The following NHSL1 variants were observed in gnomAD, a reference collection of about 807,000 sequenced individuals.
NHSL1 encodes NHS-like protein 1.
NHSL1 carries 48 observed loss-of-function variants against 95.0 expected under a neutral mutation model. The observed-to-expected ratio is 0.51, with a 90% CI of 0.40 to 0.64. NHSL1 has a LOEUF of 0.64. Among genes scored for constraint, NHSL1 ranks in the 30% least tolerant of loss-of-function variants. NHSL1 has a pLI of 0.00. For synonymous variants in NHSL1, 783 were observed against 833.9 expected (o/e 0.94, Z 1.05); for missense variants, 1,971 against 2,077.7 (o/e 0.95, Z 1.00).
intron 3 of NHSL1, among the ~76,000 whole-genome samples, chr6:138,464,715 C>CTTTTTTT (rs1157342436): frequency 0.063 from 7,505 of 118,494 alleles, 692 homozygotes; most frequent in East Asian, 0.23. Flanking sequence ...TTTTTCTTTT[C>CTTTTTTT]TTTTTTTTTT....
chr6:138,629,897 T>C (rs772326989), intron 1 of NHSL1, among the ~76,000 whole-genome samples: 5 of 152,166 alleles, frequency 3.3e-5, no homozygotes, highest in Non-Finnish European at 5.9e-5. Flanking sequence ...AAATAACACA[T>C]TACATATTTT....
intron 1 of NHSL1, among the ~76,000 whole-genome samples, chr6:138,631,465 T>C (rs1283270090): frequency 6.6e-6 from 1 of 152,092 alleles, no homozygotes; most frequent in Non-Finnish European, 1.5e-5. Context: ...TCCTTCCATT[T>C]GAGGTGAGGA....
chr6:138,471,867 A>G (rs1028536366), intron 3 of NHSL1, among the ~76,000 whole-genome samples: 3 of 152,204 alleles, frequency 2.0e-5, no homozygotes, highest in East Asian at 1.9e-4. Context: ...ATTATGACTT[A>G]TCAATTTAAA....
intron 1 of NHSL1, among the ~76,000 whole-genome samples, chr6:138,544,983 CTTTTTTTT>C (rs35979187): frequency 2.4e-5 from 2 of 83,394 alleles, no homozygotes; most frequent in Non-Finnish European, 4.6e-5. Flanking sequence ...TCTTTCTTTT[CTTTTTTTT>C]TTTTTTTTTT....
At chr6:138,584,651 G>A (rs1365003687) in intron 1 of NHSL1, among the ~76,000 whole-genome samples, 2 of 152,214 alleles carry the variant, frequency 1.3e-5, no homozygotes, top group African/African-American at 4.8e-5. Flanking sequence ...ATTTGAGGTT[G>A]AAACACTTGT....
At chr6:138,522,090 C>T (rs1441105901) in intron 1 of NHSL1, among the ~76,000 whole-genome samples, 1 of 152,114 alleles carries the variant, frequency 6.6e-6, no homozygotes, top group African/African-American at 2.4e-5. Flanking sequence ...ACCGTGAACA[C>T]CCTGGAGAAC....
upstream of NHSL1, among the ~76,000 whole-genome samples, chr6:138,501,745 A>C (rs1296529638): frequency 6.6e-6 from 1 of 152,208 alleles, no homozygotes; most frequent in Non-Finnish European, 1.5e-5. Context: ...CTCTGTATCC[A>C]TTCCAGGATG....
Position 138,499,386 on chromosome 6 carries a change from T to C in NHSL1, c.-96A>G. 1.3e-6 allele frequency: 2 copies of C among 1,510,356 alleles called. No individual in the cohort carries two copies. The highest frequency in any genetic ancestry group is 2.5e-5 in the South Asian group (2 of 80,252). 93.6% of individuals were successfully genotyped at this position (1,510,356 alleles called of 1,614,324 possible). The stretch of plus-strand genomic sequence containing the variant: ...AGCTTCGTCCTTCTGCTACAGATTC[T>C]AACTTTTTCTTCCCCCGGTCTCATA... On this transcript the variant is annotated 5_prime_UTR_variant, in exon 1 of 8. Transcript: ENST00000343505.
exon 1 of NHSL1, chr6:138,571,855 G>A (rs1482346672): frequency 1.9e-6 from 3 of 1,551,818 alleles, no homozygotes; most frequent in East Asian, 2.4e-5. Context: ...CAGCACGTGA[G>A]AGAGAACCTG....
intron 1 of NHSL1, among the ~76,000 whole-genome samples, chr6:138,620,366 G>T (rs1784639507): frequency 6.6e-6 from 1 of 152,138 alleles, no homozygotes. Context: ...TCCCCAAAAG[G>T]AATTTACTGT....
At chr6:138,606,538 C>T (rs1784435898) in intron 1 of NHSL1, among the ~76,000 whole-genome samples, 1 of 152,118 alleles carries the variant, frequency 6.6e-6, no homozygotes, top group Admixed American at 6.6e-5. Context: ...GGGCCCTTAT[C>T]ACAGATCCAC....
chr6:138,478,886 AC>A (rs1779250501), intron 2 of NHSL1, among the ~76,000 whole-genome samples: 3 of 152,280 alleles, frequency 2.0e-5, no homozygotes, highest in Admixed American at 1.3e-4. Context: ...AGGACGAGGG[AC>A]AAACATTTCT....
chr6:138,649,008 G>A (rs1785054558), intron 1 of NHSL1, among the ~76,000 whole-genome samples: 1 of 152,154 alleles, frequency 6.6e-6, no homozygotes, highest in Non-Finnish European at 1.5e-5. Context: ...TAAGAAGGAG[G>A]TGTATATAGA....
Position 138,677,685 on chromosome 6 carries a change from C to T in NHSL1, c.96+14791G>A, listed in dbSNP as rs963971615. On this transcript the variant is annotated intron_variant, in intron 1 of 3. Transcript: ENST00000491526. ...CAGAGCCCACATGCTAAGGTGTCTA[C>T]GCAGATTCAGTCCTCTGGCCCTGGG... 5.9e-5 allele frequency among the ~76,000 whole-genome samples: 9 copies of T among 152,296 alleles called. No homozygotes were observed. In the South Asian group the frequency reaches 1.2e-3, roughly 21 times the overall value.
At position 138,685,995 on chromosome 6, in the gene NHSL1, G is replaced by A. The variant is rs144369847; in HGVS notation, c.96+6481C>T. ...AGTCAAAATGAAACTCATAGAAGCAGAGAGTACAATGATGGTTACCAAGGG... is the reference window on the plus strand; with the variant it reads ...AGTCAAAATGAAACTCATAGAAGCAAAGAGTACAATGATGGTTACCAAGGG... On this transcript the variant is annotated intron_variant, in intron 1 of 3. Transcript: ENST00000491526. Among the ~76,000 whole-genome samples, 38 of 152,256 alleles carry A rather than the reference G, an allele frequency of 2.5e-4. No individual in the cohort carries two copies. In the East Asian group the frequency reaches 6.4e-3, roughly 25 times the overall value.
At chr6:138,531,745 C>T (rs1465200058) in intron 1 of NHSL1, among the ~76,000 whole-genome samples, 1 of 152,102 alleles carries the variant, frequency 6.6e-6, no homozygotes, top group Non-Finnish European at 1.5e-5. Context: ...AATTCCTGAC[C>T]TCAAGTGATC....
chr6:138,507,340 A>C (rs555196114), intron 1 of NHSL1, among the ~76,000 whole-genome samples: 1 of 152,372 alleles, frequency 6.6e-6, no homozygotes, highest in Admixed American at 6.5e-5. Context: ...TCTTAACTTA[A>C]AGTGGGACAT....
chr6:138,535,202 A>G (rs1475086501), intron 1 of NHSL1, among the ~76,000 whole-genome samples: 2 of 152,148 alleles, frequency 1.3e-5, no homozygotes, highest in African/African-American at 4.8e-5. Flanking sequence ...AGGTAGTCAG[A>G]TAATGGGGAA....
At chr6:138,626,236 C>T (rs536020181) in intron 1 of NHSL1, among the ~76,000 whole-genome samples, 98 of 152,340 alleles carry the variant, frequency 6.4e-4, no homozygotes, top group Admixed American at 1.3e-3. Context: ...CCTGCCTGAT[C>T]AGTCCACTTG....
Sources: gnomAD v4.1 joint callset for allele counts (sites outside exome capture counted in the v4.1 genomes callset) on GRCh38, gnomAD v4.1.1 for gene constraint, MANE v1.5 for transcripts, NCBI Gene and HGNC (gene_info 2026-07-23, HGNC 2026-07-21) for gene names.